SLC6A18: variants seen among roughly 807,000 people sequenced by gnomAD.
SLC6A18 encodes the protein inactive sodium-dependent neutral amino acid transporter B(0)AT3.
Under a neutral mutation model 62.9 loss-of-function variants are expected in SLC6A18, and 58 were observed. That is an observed-to-expected ratio of 0.92 (90% confidence interval 0.75 to 1.15). SLC6A18 has a LOEUF of 1.15. Among genes scored for constraint, SLC6A18 ranks in the 50% most tolerant of loss-of-function variants. The probability of loss-of-function intolerance (pLI) is 0.00; values close to 1 mark genes in which losing one functional copy is unlikely to be tolerated. For synonymous variants in SLC6A18, 382 were observed against 365.8 expected (o/e 1.04, Z -0.51); for missense variants, 793 against 836.6 (o/e 0.95, Z 0.64).
Position 1,240,586 on chromosome 5 carries a change from C to T in SLC6A18, c.901C>T (p.Leu301=). The T allele has an allele frequency of 6.2e-7, 1 of 1,614,178 alleles. No individual in the cohort carries two copies. Among genetic ancestry groups the T allele is most frequent in the East Asian group, 2.2e-5 (1 of 44,878 alleles). The stretch of plus-strand genomic sequence containing the variant: ...CGCCCTGGTCAACAGGATGACCTCC[C>T]TGTACGCGTCCATCGCTGTCTTCTC... ...VIALVNRMTS[L]YASIAVFSVL... The change falls in exon 7 of 12, where the codon CTG becomes TTG. Residue 301 remains leucine, a synonymous_variant. Coordinates refer to ENST00000324642, the MANE Select transcript of SLC6A18 (RefSeq NM_182632.3).
At chr5:1,225,990 C>T (rs12514171) in intron 1 of SLC6A18, among the ~76,000 whole-genome samples, 42,596 of 152,194 alleles carry the variant, frequency 0.28, 6,120 homozygotes, top group East Asian at 0.34. Context: ...ATCTGAATGT[C>T]GTCAGTTCTT....
intron 2 of SLC6A18, 67 bp from the exon 3 acceptor site, chr5:1,232,684 C>T: frequency 6.5e-7 from 1 of 1,533,654 alleles, no homozygotes; most frequent in African/African-American, 1.4e-5. Flanking sequence ...GTTTTATTCT[C>T]ACTGCTTCTG....
At chr5:1,244,948 G>T (rs967593899) in intron 11 of SLC6A18, among the ~76,000 whole-genome samples, 181 bp downstream of exon 11, 2 of 56,038 alleles carry the variant, frequency 3.6e-5, no homozygotes, top group Non-Finnish European at 7.2e-5. Context: ...GATGGGCTTT[G>T]TGCAGCGCCC....
intron 5 of SLC6A18, 50 bp downstream of exon 5, chr5:1,238,110 G>A (rs1201893909): frequency 7.0e-7 from 1 of 1,430,532 alleles, no homozygotes. Context: ...ACACATTTCA[G>A]GGCTGTGGCC....
rs1459563181 is a variant in SLC6A18 at position 1,229,875 on chromosome 5, G to A, written c.161-2344G>A. Among the ~76,000 whole-genome samples the A allele has an allele frequency of 5.4e-5, 8 of 147,512 alleles. No homozygotes were observed. The East Asian group carries it at 6.3e-4, about 12-fold the overall frequency. ...CAGGCTGGAGATGGGGGAGGGGAGA[G>A]GGGCTCTCACAGCGCAGGCTAAAGG... is the stretch of plus-strand genomic sequence containing the variant. On this transcript the variant is annotated intron_variant, in intron 1 of 11. Transcript: ENST00000324642.
In SLC6A18 at chr5:1,239,444, T is replaced by G; in HGVS notation, c.733-6T>G. On this transcript the variant is annotated splice_polypyrimidine_tract_variant and splice_region_variant and intron_variant, in intron 5 of 11. Coordinates refer to ENST00000324642, the MANE Select transcript of SLC6A18 (RefSeq NM_182632.3). ...TGAGTGAGACGCTCTCCCTGACTCA[T>G]TCCAGATGCACATTCTCCAGAACCC... 6.2e-7 allele frequency: 1 copy of G among 1,609,352 alleles called. No individual in the cohort carries two copies. Among genetic ancestry groups the G allele is most frequent in the Non-Finnish European group, 8.5e-7 (1 of 1,175,696 alleles).
Position 1,243,965 on chromosome 5 carries a change from C to T in SLC6A18, c.1336+206C>T, listed in dbSNP as rs760677674. Among the ~76,000 whole-genome samples the T allele has an allele frequency of 2.6e-4, 40 of 152,286 alleles. No homozygotes were observed. Among genetic ancestry groups the T allele is most frequent in the Admixed American group, 3.3e-4 (5 of 15,306 alleles). On this transcript the variant is annotated intron_variant, in intron 9 of 11. Coordinates refer to ENST00000324642, the MANE Select transcript of SLC6A18 (RefSeq NM_182632.3). This position sits in a 1 kb window ranked among gnomAD's most constrained non-coding sequence, Gnocchi z 6.5. Reference sequence around the variant, plus strand: ...GAGGGTCAGGGCTGCCCCTCCCCCACGGCCCCGGAGGCCACATCCCCCATC... The same window carrying T: ...GAGGGTCAGGGCTGCCCCTCCCCCATGGCCCCGGAGGCCACATCCCCCATC...
intron 3 of SLC6A18, among the ~76,000 whole-genome samples, chr5:1,234,948 G>C (rs1248968096): frequency 6.6e-6 from 1 of 152,246 alleles, no homozygotes; most frequent in Admixed American, 6.5e-5. Flanking sequence ...GGCTGCAGTG[G>C]GTCCTGAGAG....
At chr5:1,235,381 G>A in intron 3 of SLC6A18, 100 bp from the exon 4 acceptor site, 1 of 1,202,846 alleles carries the variant, frequency 8.3e-7, no homozygotes, top group Non-Finnish European at 1.2e-6. Context: ...CAGCCCAAAA[G>A]GGCAGTGTTG....
rs767415942 is a variant in SLC6A18 at position 1,246,087 on chromosome 5, G to T, written c.*9G>T. 47 of 1,558,848 alleles carry T rather than the reference G, an allele frequency of 3.0e-5. No homozygotes were observed. The highest frequency in any genetic ancestry group is 3.9e-5 in the Non-Finnish European group (45 of 1,158,302). ...ACACGGACATGCGCTGAAGCCGGCC[G>T]GAGCGGGGCCTGCATGGGCGGGTCT... On this transcript the variant is annotated 3_prime_UTR_variant, in exon 12 of 12. Coordinates refer to ENST00000324642, the MANE Select transcript of SLC6A18 (RefSeq NM_182632.3).
chr5:1,237,635 C>T (rs552941060), intron 4 of SLC6A18, among the ~76,000 whole-genome samples: 1 of 152,290 alleles, frequency 6.6e-6, no homozygotes, highest in South Asian at 2.1e-4. Context: ...GAGTTTGGCC[C>T]AGACCCCTCT....
At chr5:1,245,074 C>T (rs1449739384) in intron 11 of SLC6A18, among the ~76,000 whole-genome samples, 1 of 152,176 alleles carries the variant, frequency 6.6e-6, no homozygotes, top group African/African-American at 2.4e-5. Flanking sequence ...CCCTGGAGCT[C>T]CTCCTTGGGG....
intron 5 of SLC6A18, among the ~76,000 whole-genome samples, chr5:1,238,452 GGGCCTC>G (rs1746956589): frequency 8.0e-5 from 5 of 62,860 alleles, no homozygotes; most frequent in Non-Finnish European, 9.7e-5. Context: ...AGTGAGCTTG[GGGCCTC>G]AGGAAAGAGG....
rs780633013 is a variant in SLC6A18 at position 1,237,999 on chromosome 5, T to C, written c.671T>C (p.Leu224Pro). The change falls in exon 5 of 12, where the codon CTC (leucine) becomes CCC (proline). Residue 224 changes from leucine to proline, a missense_variant. Transcript: ENST00000324642. ...LFPYLVLTIF[L>P]IRGLTLPGAT... is the part of the protein sequence containing the mutation. ...CCTTACCTGGTCCTGACCATCTTTC[T>C]CATCAGAGGGCTGACCCTGCCAGGG... The C allele has an allele frequency of 6.2e-6, 10 of 1,614,094 alleles. No homozygotes were observed. In the African/African-American group the frequency reaches 1.3e-4, roughly 22 times the overall value.
rs999363298 is a variant in SLC6A18, at chr5:1,241,533, C to T, written c.974+874C>T. The stretch of plus-strand genomic sequence containing the variant: ...TCCTGTGCTTGGGAGCAGGGCAGCA[C>T]GTCAGCACTGCACCTGATGGCACTT... On this transcript the variant is annotated intron_variant, in intron 7 of 11. Coordinates refer to ENST00000324642, the MANE Select transcript of SLC6A18 (RefSeq NM_182632.3). This position sits in a 1 kb window ranked among gnomAD's most constrained non-coding sequence, Gnocchi z 7.8. Among the ~76,000 whole-genome samples, 10 of 152,134 alleles carry T rather than the reference C, an allele frequency of 6.6e-5. No individual in the cohort carries two copies. Among genetic ancestry groups the T allele is most frequent in the Admixed American group, 1.3e-4 (2 of 15,286 alleles).
In SLC6A18 at chr5:1,242,777, G is replaced by T. The variant is rs369530348; in HGVS notation, c.1045G>T (p.Val349Phe). The change falls in exon 8 of 12, where the codon GTC becomes TTC. Residue 349 changes from valine (V) to phenylalanine (F), a missense_variant. Physicochemically the swap from Val to Phe is conservative, Grantham distance 50. Coordinates refer to ENST00000324642, the MANE Select transcript of SLC6A18 (RefSeq NM_182632.3). ...CATCTCCAGGGACGACTACCCAGCC[G>T]TCCTCATGCACCTGAACGCCACCTG... is the stretch of plus-strand genomic sequence containing the variant. ...QSISRDDYPA[V>F]LMHLNATWPK... 6.2e-7 allele frequency: 1 copy of T among 1,613,998 alleles called. No homozygotes were observed. Among genetic ancestry groups the T allele is most frequent in the East Asian group, 2.2e-5 (1 of 44,884 alleles).
rs1419635494 is a variant in SLC6A18 at position 1,246,011 on chromosome 5, C to T, written c.1820C>T (p.Thr607Met). 2.5e-6 allele frequency: 4 copies of T among 1,595,972 alleles called. No individual in the cohort carries two copies. The highest frequency in any genetic ancestry group is 1.7e-5 in the Admixed American group (1 of 59,334). ...AGGGACAGGGACGCGCGCCCAGACA[C>T]GGACATGCGCCCGGACACGGACACG... ...TWRDRDARPD[T>M]DMRPDTDTRP... is the part of the protein sequence containing the mutation. The change falls in exon 12 of 12, where the codon ACG becomes ATG. Residue 607 changes from threonine to methionine, a missense_variant. Thr to Met is a moderately conservative substitution (Grantham distance 81). Transcript: ENST00000324642.
rs1440342988 is a variant in SLC6A18, at chr5:1,243,276, C to G, written c.1132-279C>G. 2.0e-5 allele frequency among the ~76,000 whole-genome samples: 3 copies of G among 152,194 alleles called. No individual in the cohort carries two copies. Among genetic ancestry groups the G allele is most frequent in the Non-Finnish European group, 2.9e-5 (2 of 68,014 alleles). ...GCCAGGAGGCAGGTGTGGGATGCAT[C>G]TCAGGGTGCCTGACTCTAGGCATAA... On this transcript the variant is annotated intron_variant, in intron 8 of 11. Transcript: ENST00000324642. The surrounding 1 kb of genome is among the most constrained non-coding windows in gnomAD (Gnocchi z 6.5).
chr5:1,237,686 C>T (rs1746920781), intron 4 of SLC6A18, among the ~76,000 whole-genome samples: 1 of 152,112 alleles, frequency 6.6e-6, no homozygotes, highest in African/African-American at 2.4e-5. Context: ...CCTGAGTCTC[C>T]CAGACAGCCA....
Sources: gnomAD v4.1 joint callset for allele counts (sites outside exome capture counted in the v4.1 genomes callset) on GRCh38, gnomAD v4.1.1 for gene constraint, Gnocchi (gnomAD v3.1) non-coding constraint, MANE v1.5 for transcripts, NCBI Gene and HGNC (gene_info 2026-07-23, HGNC 2026-07-21) for gene names.